The following SESN1 variants were observed in gnomAD, a reference collection of about 807,000 sequenced individuals.
SESN1 encodes the protein sestrin-1.
A neutral mutation model predicts 59.3 loss-of-function variants in SESN1; 30 were observed. The ratio of observed to expected loss-of-function variants is 0.51; its 90% CI spans 0.38 to 0.69. SESN1 has a LOEUF of 0.69. Among genes scored for constraint, SESN1 ranks in the 30% least tolerant of loss-of-function variants. The pLI, the probability that SESN1 is intolerant of heterozygous loss-of-function variation, is 0.00. For missense variants in SESN1, 566 were observed against 673.0 expected (o/e 0.84, Z 1.76); for synonymous variants, 197 against 219.9 (o/e 0.90, Z 0.92).
intron 1 of SESN1, among the ~76,000 whole-genome samples, chr6:109,069,176 G>T (rs1166135636): frequency 1.3e-5 from 2 of 152,016 alleles, no homozygotes; most frequent in Admixed American, 1.3e-4. Context: ...GGCCATCGTG[G>T]CAAAATGTTA....
intron 1 of SESN1, among the ~76,000 whole-genome samples, chr6:109,035,386 C>T (rs76367548): frequency 0.1 from 15,210 of 151,966 alleles, 927 homozygotes; most frequent in Middle Eastern, 0.19. Context: ...CCTCTGTGGT[C>T]CCAAATTTTC....
intron 1 of SESN1, among the ~76,000 whole-genome samples, chr6:109,034,302 AATGGT>A (rs1427377267): frequency 3.3e-5 from 5 of 152,232 alleles, no homozygotes; most frequent in Admixed American, 3.3e-4. Context: ...TGGTATTTGT[AATGGT>A]ATAATTACTT....
chr6:109,072,355 T>C lies in SESN1; in HGVS notation c.279+21440A>G, dbSNP rs1184256064. On this transcript the variant is annotated intron_variant, in intron 1 of 9. Transcript: ENST00000436639. ...TGTATAGTGGGTGATTTCCCTTCTA[T>C]AGTCAGTAGTTTACAACAAGTATGT... Among the ~76,000 whole-genome samples the C allele has an allele frequency of 3.3e-5, 5 of 152,316 alleles. No homozygotes were observed. The East Asian group carries it at 7.7e-4, about 24-fold the overall frequency.
chr6:109,038,877 T>G (rs1583282066), intron 1 of SESN1, among the ~76,000 whole-genome samples: 2 of 109,212 alleles, frequency 1.8e-5, no homozygotes, highest in Non-Finnish European at 1.9e-5. Context: ...GAAGAAGAAA[T>G]GAAGAGGAAA....
chr6:109,093,495 T>C (rs956424425), intron 1 of SESN1, among the ~76,000 whole-genome samples: 2 of 151,952 alleles, frequency 1.3e-5, no homozygotes, highest in African/African-American at 4.8e-5. Context: ...CAGAACACTG[T>C]GACAATGTGA....
In SESN1 at chr6:108,990,881, C is replaced by T. The variant is rs746075988; in HGVS notation, c.1234-46G>A. 6.6e-6 allele frequency: 10 copies of T among 1,520,000 alleles called. 1 individual carries two copies. The highest frequency in any genetic ancestry group is 3.4e-5 in the South Asian group (3 of 87,580). The allele number at this position is 1,520,000 out of a possible 1,614,324, so 94.2% of individuals were successfully genotyped here. ...AAATGTGAATAAATGTGGTCAAGTA[C>T]AGTTCTATATCTATAGCTCTGTAGC... On this transcript the variant is annotated intron_variant, in intron 7 of 9. Coordinates refer to ENST00000436639, the MANE Select transcript of SESN1 (RefSeq NM_014454.3).
At chr6:109,007,952 C>T (rs1489333335) in intron 1 of SESN1, among the ~76,000 whole-genome samples, 2 of 152,012 alleles carry the variant, frequency 1.3e-5, no homozygotes. Context: ...TGGAAGCTAG[C>T]TATTTGAAAG....
intron 1 of SESN1, among the ~76,000 whole-genome samples, chr6:109,077,497 T>C (rs534678119): frequency 6.6e-6 from 1 of 152,208 alleles, no homozygotes. Context: ...AGTGCACAGA[T>C]AGTTGTGTAA....
At chr6:109,058,490 C>CT (rs1455751341) in intron 1 of SESN1, among the ~76,000 whole-genome samples, 1 of 152,158 alleles carries the variant, frequency 6.6e-6, no homozygotes, top group African/African-American at 2.4e-5. Flanking sequence ...ACAAAATTGC[C>CT]TGATGACATT....
At chr6:109,009,597 G>A (rs372374445) in intron 1 of SESN1, 44 of 1,045,856 alleles carry the variant, frequency 4.2e-5, no homozygotes, top group Non-Finnish European at 4.0e-5. Context: ...GCGCGGCCCC[G>A]CCCCGCGCCC....
intron 1 of SESN1, among the ~76,000 whole-genome samples, chr6:109,041,148 A>C (rs1780335302): frequency 6.6e-6 from 1 of 150,916 alleles, no homozygotes; most frequent in Non-Finnish European, 1.5e-5. Flanking sequence ...TAAAAAAAAA[A>C]AAAACAAACC....
intron 1 of SESN1, among the ~76,000 whole-genome samples, chr6:109,009,906 A>G (rs1338613342): frequency 1.3e-5 from 2 of 152,002 alleles, no homozygotes; most frequent in East Asian, 3.9e-4. Flanking sequence ...ACAGCAGCCA[A>G]CCTCGAGACT....
At chr6:108,999,012 G>T in intron 4 of SESN1, 1 of 275,388 alleles carries the variant, frequency 3.6e-6, no homozygotes, top group Non-Finnish European at 6.8e-6. Context: ...GTAAGAGAAT[G>T]CATTTTGCTT....
chr6:109,089,393 T>C (rs952782287), intron 1 of SESN1, among the ~76,000 whole-genome samples: 4 of 152,254 alleles, frequency 2.6e-5, no homozygotes, highest in African/African-American at 9.6e-5. Context: ...AATTCTATTC[T>C]AAAGGGCTTT....
rs1420148119 is a variant in SESN1, at chr6:109,093,832, A to C, written c.242T>G (p.Val81Gly). The stretch of plus-strand genomic sequence containing the variant: ...CAGAATAAACTCACTTTTCTCTCTC[A>C]CATCTTTGAAGGGACACCTCTTAGA... ...MLSKRCPFKD[V>G]REKSEFILKS... is the part of the protein sequence containing the mutation. The change falls in exon 1 of 10, where the codon GTG becomes GGG. Residue 81 changes from valine to glycine, a missense_variant. Coordinates refer to ENST00000436639, the MANE Select transcript of SESN1 (RefSeq NM_014454.3). 6.2e-7 allele frequency: 1 copy of C among 1,614,160 alleles called. No individual in the cohort carries two copies. The highest frequency in any genetic ancestry group is 2.2e-5 in the East Asian group (1 of 44,874).
chr6:109,061,574 T>G (rs1462207729), intron 1 of SESN1, among the ~76,000 whole-genome samples: 1 of 152,044 alleles, frequency 6.6e-6, no homozygotes, highest in Admixed American at 6.5e-5. Flanking sequence ...GAGATGGAAG[T>G]GGGTGGACTG....
rs1562455024 is a variant in SESN1 at position 108,998,556 on chromosome 6, T to G, written c.929A>C (p.His310Pro). ...GTTGACCGGCATCTCATCCACACTG[T>G]GATTGCCATTTGTAATGTCACAGAT... The part of the protein sequence containing the change: ...YCICDITNGN[H>P]SVDEMPVNSA... The change falls in exon 5 of 10, where the codon CAC becomes CCC. Residue 310 changes from histidine to proline, a missense_variant. By Grantham distance (77) the His-to-Pro change is moderately conservative. Coordinates refer to ENST00000436639, the MANE Select transcript of SESN1 (RefSeq NM_014454.3). The G allele has an allele frequency of 6.2e-7, 1 of 1,613,956 alleles. No homozygotes were observed. The highest frequency in any genetic ancestry group is 8.5e-7 in the Non-Finnish European group (1 of 1,179,810).
chr6:108,993,749 T>C (rs947738269), intron 6 of SESN1, among the ~76,000 whole-genome samples: 7 of 151,984 alleles, frequency 4.6e-5, no homozygotes, highest in African/African-American at 1.7e-4. Flanking sequence ...TAATTTTTGT[T>C]GTTGTTTTTT....
intron 1 of SESN1, among the ~76,000 whole-genome samples, chr6:109,044,080 C>T (rs770707245): frequency 3.1e-4 from 47 of 151,560 alleles, no homozygotes; most frequent in Non-Finnish European, 6.5e-4. Flanking sequence ...TTTGGGAGGC[C>T]AAGGCAAGAG....
Sources: allele counts gnomAD v4.1 joint callset (sites outside exome capture counted in the v4.1 genomes callset), GRCh38; gene constraint gnomAD v4.1.1; transcripts MANE v1.5; gene names NCBI Gene and HGNC (gene_info 2026-07-23, HGNC 2026-07-21).